Variants in KIAA1549L observed in about 807,000 individuals in gnomAD.
KIAA1549L encodes KIAA1549 like.
A neutral mutation model predicts 160.7 loss-of-function variants in KIAA1549L; 88 were observed. That is an observed-to-expected ratio of 0.55 (90% confidence interval 0.46 to 0.65). The LOEUF (loss-of-function observed/expected upper bound fraction) is 0.65. Ranked by LOEUF, KIAA1549L falls within the 30% of genes least tolerant of loss-of-function variation. KIAA1549L has a pLI of 0.00. For missense variants in KIAA1549L, 2,258 were observed against 2,437.5 expected, an observed-to-expected ratio of 0.93 and a Z score of 1.55; for synonymous variants, 950 against 976.7, an observed-to-expected ratio of 0.97 and a Z score of 0.51.
intron 12 of KIAA1549L, among the ~76,000 whole-genome samples, chr11:33,598,540 C>T (rs1850268974): frequency 1.3e-5 from 2 of 152,120 alleles, no homozygotes; most frequent in Admixed American, 6.5e-5. Flanking sequence ...CCCATAGTCA[C>T]GGCGGGTGGT....
chr11:33,561,408 C>A (rs1048328100), intron 7 of KIAA1549L, among the ~76,000 whole-genome samples: 1 of 152,192 alleles, frequency 6.6e-6, no homozygotes, highest in South Asian at 2.1e-4. Flanking sequence ...GTCCTAGGAT[C>A]CCTAAGAATC....
intron 1 of KIAA1549L, among the ~76,000 whole-genome samples, chr11:33,460,429 C>G (rs1303655368): frequency 6.6e-6 from 1 of 152,148 alleles, no homozygotes; most frequent in Non-Finnish European, 1.5e-5. Context: ...TGAAACAATT[C>G]TCTTTGGTGG....
intron 12 of KIAA1549L, among the ~76,000 whole-genome samples, chr11:33,596,182 C>G (rs1009794538): frequency 2.0e-5 from 3 of 152,156 alleles, no homozygotes; most frequent in Admixed American, 6.5e-5. Context: ...GTGACACTTT[C>G]TTGCTTTCAA....
At chr11:33,644,828 C>G (rs72918753) in intron 16 of KIAA1549L, among the ~76,000 whole-genome samples, 5,067 of 152,328 alleles carry the variant, frequency 0.033, 199 homozygotes, top group East Asian at 0.19. Flanking sequence ...CCTTGAGATT[C>G]ATGCACGTCC....
Position 33,543,925 on chromosome 11 carries a change from C to G in KIAA1549L, c.2362C>G (p.Gln788Glu). Residue 788 changes from glutamine (Q) to glutamate (E), a missense_variant, in exon 2 of 21, where the codon CAA (glutamine) becomes GAA (glutamate). By Grantham distance (29) the Gln-to-Glu change is conservative. Around this residue, in one of 6 missense-constraint regions of KIAA1549L, gnomAD observed 287 missense variants for 292.3 expected, o/e 0.98. Coordinates refer to ENST00000658780, the MANE Select transcript of KIAA1549L (RefSeq NM_012194.3). Reference sequence around the variant, plus strand: ...CGGTACAAGCATTGAGCAGCCTGTGCAACAGTCAGACATGACCATGGTTGG... The same window carrying G: ...CGGTACAAGCATTGAGCAGCCTGTGGAACAGTCAGACATGACCATGGTTGG... ...VLGTSIEQPV[Q>E]QSDMTMVGSH... 1.2e-6 allele frequency: 2 copies of G among 1,614,006 alleles called. No individual in the cohort carries two copies. The highest frequency in any genetic ancestry group is 8.5e-7 in the Non-Finnish European group (1 of 1,179,894).
In KIAA1549L at chr11:33,456,447, A is replaced by G. The variant is rs572039916; in HGVS notation, c.238+79558A>G. Among the ~76,000 whole-genome samples the G allele has an allele frequency of 5.3e-5, 8 of 152,154 alleles. No individual in the cohort carries two copies. In the East Asian group the frequency reaches 5.8e-4, roughly 11 times the overall value. On this transcript the variant is annotated intron_variant, in intron 1 of 20. Coordinates refer to ENST00000658780, the MANE Select transcript of KIAA1549L (RefSeq NM_012194.3). ...TTTTTGTGAGACAGGGTCTCACTCTATCACCTAGTCTGGGGTATGATGGCG... is the reference window on the plus strand; with the variant it reads ...TTTTTGTGAGACAGGGTCTCACTCTGTCACCTAGTCTGGGGTATGATGGCG...
At chr11:33,613,201 A>G (rs1850691775) in intron 15 of KIAA1549L, among the ~76,000 whole-genome samples, 1 of 152,166 alleles carries the variant, frequency 6.6e-6, no homozygotes, top group Non-Finnish European at 1.5e-5. Context: ...CAATGGTTGA[A>G]CTAATTTACA....
intron 1 of KIAA1549L, among the ~76,000 whole-genome samples, chr11:33,484,850 C>A (rs1246766304): frequency 1.3e-5 from 2 of 151,866 alleles, no homozygotes; most frequent in East Asian, 1.9e-4. Context: ...TTATTTTTTT[C>A]TTGCAGCTTT....
intron 1 of KIAA1549L, among the ~76,000 whole-genome samples, chr11:33,529,431 A>C (rs1853688135): frequency 6.6e-6 from 1 of 152,234 alleles, no homozygotes; most frequent in African/African-American, 2.4e-5. Context: ...TCATGATAAC[A>C]AATGTTTATT....
rs1051141863 is a variant in KIAA1549L, at chr11:33,625,221, G to A, written c.5409+6559G>A. Among the ~76,000 whole-genome samples, 16 of 151,816 alleles carry A rather than the reference G, an allele frequency of 1.1e-4. No homozygotes were observed. The East Asian group carries it at 2.1e-3, about 20-fold the overall frequency. On this transcript the variant is annotated intron_variant, in intron 16 of 20. Coordinates refer to ENST00000658780, the MANE Select transcript of KIAA1549L (RefSeq NM_012194.3). ...GTGAATAGTGCCTCAATAAACATACGTGTGCATGTGTCTTTATAGCAGCAT... is the reference window on the plus strand; with the variant it reads ...GTGAATAGTGCCTCAATAAACATACATGTGCATGTGTCTTTATAGCAGCAT...
At chr11:33,381,913 A>G (rs903187322) in intron 1 of KIAA1549L, among the ~76,000 whole-genome samples, 2 of 152,210 alleles carry the variant, frequency 1.3e-5, no homozygotes, top group East Asian at 3.8e-4. Context: ...AACTGGGAAG[A>G]TGAAGTTGCC....
chr11:33,527,989 C>G (rs962067852), intron 1 of KIAA1549L, among the ~76,000 whole-genome samples: 1 of 152,048 alleles, frequency 6.6e-6, no homozygotes, highest in African/African-American at 2.4e-5. Context: ...ATAAGTCTCA[C>G]GAAATCTGAT....
chr11:33,671,281 G>C lies in KIAA1549L; in HGVS notation c.*3127G>C, dbSNP rs961926693. The C allele has an allele frequency of 2.6e-5, 4 of 152,248 alleles. No individual in the cohort carries two copies. The highest frequency in any genetic ancestry group is 9.7e-5 in the African/African-American group (4 of 41,440). 9.4% of individuals were successfully genotyped at this position (152,248 alleles called of 1,614,324 possible). A position where few individuals can be genotyped will look rare whatever the true frequency, so the allele number is the denominator to read the frequency against. On this transcript the variant is annotated 3_prime_UTR_variant, in exon 21 of 21. Coordinates refer to ENST00000658780, the MANE Select transcript of KIAA1549L (RefSeq NM_012194.3). ...CCAAGGATCCCAACAGGCAGGCAGG[G>C]AGGCCCTTGACTTTGTGTCACTGTG...
chr11:33,624,466 C>G (rs1465196880), intron 16 of KIAA1549L, among the ~76,000 whole-genome samples: 1 of 152,190 alleles, frequency 6.6e-6, no homozygotes, highest in African/African-American at 2.4e-5. Context: ...TTGGGAATTG[C>G]CATTCCTTTT....
At chr11:33,388,823 A>G (rs111763335) in intron 1 of KIAA1549L, among the ~76,000 whole-genome samples, 3,421 of 152,274 alleles carry the variant, frequency 0.022, 126 homozygotes, top group African/African-American at 0.078. Context: ...TCTAGACGAT[A>G]CTTCTGCAGA....
rs769009407 is a variant in KIAA1549L, at chr11:33,591,336, C to A, written c.4666C>A (p.Pro1556Thr). ...TCAGGAGACAGTGGTTCTCCCACTGCCCATTAGAGATGCTCCTCAGGAAAG... is the reference window on the plus strand; with the variant it reads ...TCAGGAGACAGTGGTTCTCCCACTGACCATTAGAGATGCTCCTCAGGAAAG... Reference protein sequence around the residue: ...VTQETVVLPLPIRDAPQERDV... With the variant: ...VTQETVVLPLTIRDAPQERDV... Residue 1556 changes from proline to threonine, a missense_variant, in exon 12 of 21, where the codon CCC becomes ACC. Pro to Thr is a conservative substitution (Grantham distance 38). This residue lies in a region of KIAA1549L where 1,359 missense variants were observed against 1,546.6 expected (regional missense o/e 0.88). Transcript: ENST00000658780. 1.2e-6 allele frequency: 2 copies of A among 1,612,646 alleles called. No homozygotes were observed. The highest frequency in any genetic ancestry group is 1.7e-6 in the Non-Finnish European group (2 of 1,178,718).
In KIAA1549L at chr11:33,552,780, C is replaced by T. The variant is rs115900369; in HGVS notation, c.3855+539C>T. Among the ~76,000 whole-genome samples the T allele has an allele frequency of 3.6e-3, 542 of 151,926 alleles. 5 individuals carry two copies. Among genetic ancestry groups the T allele is most frequent in the African/African-American group, 0.012 (489 of 41,388 alleles). On this transcript the variant is annotated intron_variant, in intron 6 of 20. Transcript: ENST00000658780. ...TTTACAAATATTTTCCTACCTAATA[C>T]TTAAGACATCCTTCTGAGGTATTCT...
intron 17 of KIAA1549L, among the ~76,000 whole-genome samples, chr11:33,651,374 T>C (rs752970976): frequency 8.6e-5 from 13 of 151,062 alleles, no homozygotes; most frequent in Non-Finnish European, 1.6e-4. Context: ...GAGGCAGAGG[T>C]TGCAGTGAGC....
chr11:33,564,435 A>G (rs1213863390), intron 8 of KIAA1549L, among the ~76,000 whole-genome samples: 2 of 152,230 alleles, frequency 1.3e-5, no homozygotes, highest in South Asian at 2.1e-4. Context: ...CAAACTGCAC[A>G]TACTTCTCCT....
Sources: allele counts gnomAD v4.1 joint callset (sites outside exome capture counted in the v4.1 genomes callset), GRCh38; gene constraint gnomAD v4.1.1; regional missense constraint gnomAD v4.1.1; transcripts MANE v1.5; gene names NCBI Gene and HGNC (gene_info 2026-07-23, HGNC 2026-07-21).